The following TMEM67 variants were observed in gnomAD, a reference collection of about 807,000 sequenced individuals.
The protein encoded by TMEM67 is meckelin.
In TMEM67, 124 loss-of-function variants were observed where a neutral mutation model predicts 136.6. The ratio of observed to expected loss-of-function variants is 0.91; its 90% confidence interval spans 0.78 to 1.05. The LOEUF is 1.05. Ranked by LOEUF, TMEM67 falls within the 50% of genes least tolerant of loss-of-function variation. The pLI, the probability that TMEM67 is intolerant of heterozygous loss-of-function variation, is 0.00. For synonymous variants in TMEM67, 364 were observed against 390.5 expected, an observed-to-expected ratio of 0.93 and a Z score of 0.80; for missense variants, 1,107 against 1,178.4, an observed-to-expected ratio of 0.94 and a Z score of 0.89.
At chr8:93,789,796 C>T (rs1426078083) in intron 14 of TMEM67, among the ~76,000 whole-genome samples, 1 of 151,514 alleles carries the variant, frequency 6.6e-6, no homozygotes, top group Non-Finnish European at 1.5e-5. Flanking sequence ...GTCCGCTGGT[C>T]GTAGTGGCTC....
At chr8:93,798,473 A>C (rs1814718233) in intron 20 of TMEM67, among the ~76,000 whole-genome samples, 1 of 152,230 alleles carries the variant, frequency 6.6e-6, no homozygotes, top group Admixed American at 6.5e-5. Flanking sequence ...TGAACAAAAC[A>C]CAACATGTTT....
chr8:93,809,971 CTTTT>C (rs375597348), intron 26 of TMEM67, 84 bp downstream of exon 26: 538 of 587,030 alleles, frequency 9.2e-4, no homozygotes, highest in Middle Eastern at 2.0e-3. Context: ...TTCTTTTTTT[CTTTT>C]TTTTTTTTTT....
intron 11 of TMEM67, 52 bp from the exon 12 acceptor site, chr8:93,785,170 A>G (rs1814035047): frequency 2.0e-6 from 2 of 1,019,506 alleles, no homozygotes; most frequent in African/African-American, 1.6e-5. Context: ...TTTACTTTTT[A>G]GTACTTTAAG....
At chr8:93,757,831 G>A (rs960137392) in intron 2 of TMEM67, among the ~76,000 whole-genome samples, 4 of 151,190 alleles carry the variant, frequency 2.6e-5, no homozygotes, top group African/African-American at 9.7e-5. Context: ...CACGATCTCA[G>A]CTCACTGCAA....
the TMEM67 span, among the ~76,000 whole-genome samples, chr8:93,829,640 CT>C: frequency 5.3e-5 from 8 of 152,078 alleles, no homozygotes; most frequent in Non-Finnish European, 8.8e-5. Flanking sequence ...CGTTCTGTGA[CT>C]TTTTTTTAAC....
intron 15 of TMEM67, among the ~76,000 whole-genome samples, chr8:93,792,982 A>C (rs989973770): frequency 2.0e-5 from 3 of 151,786 alleles, no homozygotes; most frequent in Non-Finnish European, 4.4e-5. Context: ...CGTGTTAGCC[A>C]GGATGGTCTT....
chr8:93,826,742 G>T, the TMEM67 span, among the ~76,000 whole-genome samples: 2 of 152,168 alleles, frequency 1.3e-5, no homozygotes, highest in Non-Finnish European at 2.9e-5. Context: ...AATGCTGGAT[G>T]AAGATGATTA....
chr8:93,805,214 A>G (rs1815085342), intron 23 of TMEM67, among the ~76,000 whole-genome samples: 1 of 151,980 alleles, frequency 6.6e-6, no homozygotes, highest in African/African-American at 2.4e-5. Context: ...CAGGTGATCC[A>G]CCCACCTTGG....
Position 93,781,663 on chromosome 8 carries a change from A to G in TMEM67, c.984A>G (p.Thr328=). The change falls in exon 10 of 28, where the codon ACA becomes ACG. Residue 328 remains threonine (T), a synonymous_variant. Transcript: ENST00000453321. ...NFSFKGENQN[T]KLKFVAASYD... The stretch of plus-strand genomic sequence containing the variant: ...TGCTCGTTTTCTTTAATCAGAATAC[A>G]AAACTGAAGTTTGTTGCTGCTTCCT... 6.3e-7 allele frequency: 1 copy of G among 1,587,246 alleles called. No homozygotes were observed. The highest frequency in any genetic ancestry group is 8.6e-7 in the Non-Finnish European group (1 of 1,159,804).
chr8:93,812,163 A>AAC (rs1466057284), intron 26 of TMEM67, among the ~76,000 whole-genome samples: 1 of 151,828 alleles, frequency 6.6e-6, no homozygotes, highest in African/African-American at 2.4e-5. Context: ...AAAAAAAAAA[A>AAC]AAGTAAAGAA....
chr8:93,793,943 T>G (rs1586064703), intron 16 of TMEM67, among the ~76,000 whole-genome samples: 1 of 152,166 alleles, frequency 6.6e-6, no homozygotes, highest in African/African-American at 2.4e-5. Flanking sequence ...GAGGCTGGAG[T>G]GCAGAGGCAC....
intron 23 of TMEM67, among the ~76,000 whole-genome samples, chr8:93,808,505 T>TATTTATCTA (rs71277440): frequency 7.9e-6 from 1 of 127,116 alleles, no homozygotes; most frequent in African/African-American, 2.8e-5. Context: ...CTATTATAGA[T>TATTTATCTA]GAATATATAT....
At chr8:93,819,625 A>T (rs529730908), downstream of TMEM67, among the ~76,000 whole-genome samples, 4 of 152,210 alleles carry the variant, frequency 2.6e-5, no homozygotes, top group Admixed American at 2.0e-4. Context: ...CTTCTGGGTC[A>T]TCAGGGCTTT....
intron 23 of TMEM67, among the ~76,000 whole-genome samples, chr8:93,805,246 C>T (rs1815087246): frequency 6.6e-6 from 1 of 150,592 alleles, no homozygotes; most frequent in South Asian, 2.2e-4. Flanking sequence ...GCTAAGATTA[C>T]AGGCTTGAGT....
chr8:93,789,655 T>A (rs181858109), intron 14 of TMEM67, among the ~76,000 whole-genome samples: 4,409 of 83,348 alleles, frequency 0.053, 216 homozygotes, highest in African/African-American at 0.16. Context: ...CAAAAAAATA[T>A]ATATATATAT....
chr8:93,795,408 G>C lies in TMEM67; in HGVS notation c.1675-1G>C. The stretch of plus-strand genomic sequence containing the variant: ...CTGTAATTCTTTTTTTTAAATTGCA[G>C]ACAGTTGTGAAATTCTTGGTGTACT... On this transcript the variant is annotated splice_acceptor_variant, in intron 16 of 27. Coordinates refer to ENST00000453321, the MANE Select transcript of TMEM67 (RefSeq NM_153704.6). LOFTEE classifies it high-confidence loss of function. 1 of 1,613,474 alleles carries C rather than the reference G, an allele frequency of 6.2e-7. No individual in the cohort carries two copies. The highest frequency in any genetic ancestry group is 8.5e-7 in the Non-Finnish European group (1 of 1,179,472).
At chr8:93,824,800 C>T in the TMEM67 span, among the ~76,000 whole-genome samples, 1 of 152,328 alleles carries the variant, frequency 6.6e-6, no homozygotes, top group South Asian at 2.1e-4. Context: ...ATTGCAACCT[C>T]TGCCTGCGGG....
chr8:93,757,707 A>G (rs1812645295), intron 2 of TMEM67, among the ~76,000 whole-genome samples: 1 of 152,142 alleles, frequency 6.6e-6, no homozygotes, highest in African/African-American at 2.4e-5. Context: ...ATCAATTTTA[A>G]CAACTATGTG....
rs1812494948 is a variant in TMEM67 at position 93,754,937 on chromosome 8, G to A, written c.23G>A (p.Gly8Glu). The A allele has an allele frequency of 6.2e-7, 1 of 1,614,018 alleles. No homozygotes were observed. Among genetic ancestry groups the A allele is most frequent in the Non-Finnish European group, 8.5e-7 (1 of 1,180,032 alleles). MATRGGA[G>E]VAMAVWSLLS... is the part of the protein sequence containing the mutation. Reference sequence around the variant, plus strand: ...ACCATGGCGACGCGCGGTGGGGCTGGGGTGGCAATGGCGGTTTGGTCCCTC... The same window carrying A: ...ACCATGGCGACGCGCGGTGGGGCTGAGGTGGCAATGGCGGTTTGGTCCCTC... Residue 8 changes from glycine (G) to glutamate (E), a missense_variant, in exon 1 of 28, where the codon GGG becomes GAG. This residue lies in a region of TMEM67 where 178 missense variants were observed against 159.2 expected (regional missense o/e 1.12). Transcript: ENST00000453321.
Sources: gnomAD v4.1 joint callset for allele counts (sites outside exome capture counted in the v4.1 genomes callset) on GRCh38, gnomAD v4.1.1 for gene constraint, gnomAD v4.1.1 regional missense constraint, MANE v1.5 for transcripts, NCBI Gene and HGNC (gene_info 2026-07-23, HGNC 2026-07-21) for gene names.